The following COL28A1 variants were observed in gnomAD, a reference collection of about 807,000 sequenced individuals.
COL28A1 encodes the protein collagen alpha-1(XXVIII) chain.
COL28A1 carries 161 observed loss-of-function variants against 150.2 expected under a neutral mutation model. The observed-to-expected ratio is 1.07, with a 90% CI of 0.94 to 1.22. COL28A1 has a LOEUF of 1.22. Ranked by LOEUF, COL28A1 falls within the 50% of genes most tolerant of loss-of-function variation. COL28A1 has a pLI of 0.00. For synonymous variants in COL28A1, 552 were observed against 469.7 expected, an observed-to-expected ratio of 1.18 and a Z score of -2.26; for missense variants, 1,617 against 1,388.3, an observed-to-expected ratio of 1.16 and a Z score of -2.62.
chr7:7,489,552 G>C, intron 12 of COL28A1, 95 bp from the exon 13 acceptor site: 1 of 769,674 alleles, frequency 1.3e-6, no homozygotes, highest in Admixed American at 2.2e-5. Context: ...AGGATAAATA[G>C]CGAAATAGAC....
At chr7:7,517,560 G>C (rs1036318782) in intron 7 of COL28A1, among the ~76,000 whole-genome samples, 1 of 152,140 alleles carries the variant, frequency 6.6e-6, no homozygotes, top group Admixed American at 6.5e-5. Context: ...TTAAGCATCA[G>C]AGAATTTGAT....
intron 15 of COL28A1, among the ~76,000 whole-genome samples, chr7:7,470,878 G>A (rs1288807124): frequency 6.3e-5 from 8 of 126,614 alleles, no homozygotes; most frequent in South Asian, 2.6e-4. Context: ...ACCAAACACC[G>A]CATATTCTCA....
chr7:7,532,286 G>T (rs920964200), intron 2 of COL28A1, among the ~76,000 whole-genome samples: 4 of 152,030 alleles, frequency 2.6e-5, no homozygotes, highest in Non-Finnish European at 4.4e-5. Flanking sequence ...TGTCATATTG[G>T]TGAGTCCCTA....
Position 7,373,002 on chromosome 7 carries a change from C to A in COL28A1, c.2904G>T (p.Leu968=). 1 of 1,612,072 alleles carries A rather than the reference C, an allele frequency of 6.2e-7. No homozygotes were observed. The highest frequency in any genetic ancestry group is 1.1e-5 in the South Asian group (1 of 90,636). The change falls in exon 32 of 35, where the codon CTG becomes CTT. Residue 968 remains leucine (L), a synonymous_variant. Transcript: ENST00000399429. The surrounding 1 kb of genome is among the most constrained non-coding windows in gnomAD (Gnocchi z 4.1). ...GGGCCAGATAGCCTTCCTTACCTTG[C>A]AGGGTAAAGAAATCATCAAACTGGT... The part of the protein sequence containing the change: ...HVYQFDDFFT[L]QDTLKQKLFQ...
intron 27 of COL28A1, among the ~76,000 whole-genome samples, chr7:7,389,903 A>C (rs866907078): frequency 3.9e-5 from 6 of 152,162 alleles, no homozygotes; most frequent in African/African-American, 1.4e-4. Flanking sequence ...GGGCTGAGAC[A>C]ATAGTGTTTT....
intron 19 of COL28A1, 52 bp downstream of exon 19, chr7:7,444,366 T>C: frequency 6.2e-7 from 1 of 1,607,708 alleles, no homozygotes; most frequent in Non-Finnish European, 8.5e-7. Flanking sequence ...GACCAAGATA[T>C]CAGTTTGGTT....
In COL28A1 at chr7:7,531,690, G is replaced by A. The variant is rs963026639; in HGVS notation, c.339C>T (p.Asp113=). 1.9e-6 allele frequency: 3 copies of A among 1,591,040 alleles called. No homozygotes were observed. In the African/African-American group the frequency reaches 4.0e-5, roughly 21 times the overall value. ...TGACCTTCTGCTTAAATGTCTGCAG[G>A]TCCTTCCAGGAAGAAAAAGGTGGAT... is the stretch of plus-strand genomic sequence containing the variant. ...QIDPPFSSWK[D]LQTFKQKVKS... is the part of the protein sequence containing the mutation. Residue 113 remains aspartate (D), a synonymous_variant, in exon 3 of 35, where the codon GAC becomes GAT. Transcript: ENST00000399429.
At chr7:7,383,266 G>C (rs1781973982) in intron 27 of COL28A1, among the ~76,000 whole-genome samples, 1 of 137,856 alleles carries the variant, frequency 7.3e-6, no homozygotes, top group African/African-American at 3.1e-5. Context: ...GTGTGTGTGT[G>C]TGTGTGTGTG....
intron 27 of COL28A1, among the ~76,000 whole-genome samples, chr7:7,402,296 A>C (rs989349211): frequency 1.2e-4 from 19 of 152,236 alleles, no homozygotes; most frequent in Non-Finnish European, 4.4e-5. Flanking sequence ...TCATTATCTT[A>C]TGCAATAAGA....
chr7:7,398,629 G>A (rs2128297626), intron 27 of COL28A1, among the ~76,000 whole-genome samples: 1 of 152,328 alleles, frequency 6.6e-6, no homozygotes, highest in African/African-American at 2.4e-5. Flanking sequence ...GGACTCAGTT[G>A]CATACATTAA....
At chr7:7,499,999 G>C (rs1350955895) in intron 11 of COL28A1, among the ~76,000 whole-genome samples, 1 of 152,174 alleles carries the variant, frequency 6.6e-6, no homozygotes, top group African/African-American at 2.4e-5. Context: ...GCCACTTTTA[G>C]AAGAAAGTAG....
At chr7:7,439,678 T>A (rs574160266) in intron 21 of COL28A1, among the ~76,000 whole-genome samples, 8 of 152,290 alleles carry the variant, frequency 5.3e-5, no homozygotes, top group African/African-American at 1.9e-4. Context: ...TAAAGACTAA[T>A]CTGTTATTAA....
In COL28A1 at chr7:7,373,098, C is replaced by T; in HGVS notation, c.2808G>A (p.Lys936=). Residue 936 remains lysine, a synonymous_variant, in exon 32 of 35, where the codon AAG becomes AAA. Transcript: ENST00000399429. The surrounding 1 kb of genome is among the most constrained non-coding windows in gnomAD (Gnocchi z 4.1). ...ATATTTCAAAGTTGGGATCATTTTT[C>T]TTCACCACCCCTATCACAAATATCT... ...NVEIFVIGVV[K]KNDPNFEIFH... 6.2e-7 allele frequency: 1 copy of T among 1,614,150 alleles called. No individual in the cohort carries two copies. The highest frequency in any genetic ancestry group is 8.5e-7 in the Non-Finnish European group (1 of 1,180,008).
intron 33 of COL28A1, among the ~76,000 whole-genome samples, chr7:7,369,183 T>G (rs143687674): frequency 6.6e-6 from 1 of 152,072 alleles, no homozygotes; most frequent in Non-Finnish European, 1.5e-5. Flanking sequence ...AGGGACAAAG[T>G]GGTAAGTCAC....
chr7:7,407,749 G>A (rs1377875702), intron 27 of COL28A1, among the ~76,000 whole-genome samples: 2 of 152,038 alleles, frequency 1.3e-5, no homozygotes, highest in South Asian at 4.1e-4. Context: ...AAGAGAAAGA[G>A]AATAGTAAAT....
Position 7,477,159 on chromosome 7 carries a change from C to T in COL28A1, c.1186G>A (p.Val396Ile), listed in dbSNP as rs1424757953. ...CCGGGTAAGCCCCTCTCTCCTGGTA[C>T]TCCCTCAGGACCACGGGGACCCTGG... The part of the protein sequence containing the change: ...GQPGPRGPEG[V>I]PGERGLPGEG... The change falls in exon 14 of 35, where the codon GTA (valine) becomes ATA (isoleucine). Residue 396 changes from valine (V) to isoleucine (I), a missense_variant. Physicochemically the swap from Val to Ile is conservative, Grantham distance 29. Coordinates refer to ENST00000399429, the MANE Select transcript of COL28A1 (RefSeq NM_001037763.3). The T allele has an allele frequency of 2.3e-6, 3 of 1,320,584 alleles. No homozygotes were observed. Among genetic ancestry groups the T allele is most frequent in the East Asian group, 2.3e-5 (1 of 43,666 alleles). The allele number at this position is 1,320,584 out of a possible 1,614,324, so 81.8% of individuals were successfully genotyped here.
At chr7:7,455,969 G>C (rs753193213) in intron 16 of COL28A1, 75 bp downstream of exon 16, 47 of 1,594,300 alleles carry the variant, frequency 2.9e-5, no homozygotes, top group Non-Finnish European at 3.9e-5. Context: ...ATGTTTGCAG[G>C]ACTGGCCTTC....
intron 27 of COL28A1, among the ~76,000 whole-genome samples, chr7:7,404,541 C>T (rs1366271122): frequency 6.6e-6 from 1 of 152,012 alleles, no homozygotes; most frequent in Admixed American, 6.6e-5. Context: ...CTCTATAGGA[C>T]CTTTGCACAA....
downstream of COL28A1, among the ~76,000 whole-genome samples, chr7:7,353,313 AT>A (rs1780273702): frequency 6.6e-6 from 1 of 152,130 alleles, no homozygotes; most frequent in Admixed American, 6.5e-5. Context: ...CATCTACATA[AT>A]TGGCTCTTGC....
Sources: allele counts gnomAD v4.1 joint callset (sites outside exome capture counted in the v4.1 genomes callset), GRCh38; gene constraint gnomAD v4.1.1; non-coding constraint Gnocchi (gnomAD v3.1); transcripts MANE v1.5; gene names NCBI Gene and HGNC (gene_info 2026-07-23, HGNC 2026-07-21).